CACHD1: variants seen among roughly 807,000 people sequenced by gnomAD.
CACHD1 encodes the protein VWFA and cache domain-containing protein 1.
Under a neutral mutation model 138.7 loss-of-function variants are expected in CACHD1, and 71 were observed. The ratio of observed to expected loss-of-function variants is 0.51; its 90% CI spans 0.42 to 0.62. CACHD1 has a LOEUF of 0.62. Among genes scored for constraint, CACHD1 ranks in the 20% least tolerant of loss-of-function variants. CACHD1 has a pLI of 0.00. For synonymous variants in CACHD1, 578 were observed against 591.5 expected (o/e 0.98, Z 0.33); for missense variants, 1,389 against 1,625.3 (o/e 0.85, Z 2.50).
chr1:64,547,113 T>G (rs1177357090), intron 1 of CACHD1, among the ~76,000 whole-genome samples: 1 of 152,186 alleles, frequency 6.6e-6, no homozygotes, highest in Non-Finnish European at 1.5e-5. Flanking sequence ...CCTTTGGAAG[T>G]GTAGTTTTTT....
rs1426684999 is a variant in CACHD1, at chr1:64,671,582, G to A, written c.2406G>A (p.Gly802=). Reference sequence around the variant, plus strand: ...CTTAAAGTACACAGCTGTCTTCTGGGCACACTGTGGCTGTGATGGGCATTG... The same window carrying A: ...CTTAAAGTACACAGCTGTCTTCTGGACACACTGTGGCTGTGATGGGCATTG... ...IHSSSTQLSS[G]HTVAVMGIDF... Residue 802 remains glycine (G), a synonymous_variant, in exon 17 of 27, where the codon GGG becomes GGA. Coordinates refer to ENST00000651257, the MANE Select transcript of CACHD1 (RefSeq NM_020925.4). 6 of 1,613,984 alleles carry A rather than the reference G, an allele frequency of 3.7e-6. No homozygotes were observed. The highest frequency in any genetic ancestry group is 5.1e-6 in the Non-Finnish European group (6 of 1,179,898).
At position 64,470,810 on chromosome 1, in the gene CACHD1, G is replaced by A; in HGVS notation, c.66G>A (p.Leu22=). 2 of 1,423,664 alleles carry A rather than the reference G, an allele frequency of 1.4e-6. No homozygotes were observed. The highest frequency in any genetic ancestry group is 1.9e-6 in the Non-Finnish European group (2 of 1,040,454). The allele number at this position is 1,423,664 out of a possible 1,614,324, so 88.2% of individuals were successfully genotyped here. A position where few individuals can be genotyped will look rare whatever the true frequency, so the allele number is the denominator to read the frequency against. Residue 22 remains leucine (L), a synonymous_variant, in exon 1 of 27, where the codon CTG becomes CTA. Coordinates refer to ENST00000651257, the MANE Select transcript of CACHD1 (RefSeq NM_020925.4). The surrounding 1 kb of genome is among the most constrained non-coding windows in gnomAD (Gnocchi z 5.2). ...GGGCGCGGCGGCCGCCCCTCTGGCT[G>A]CTCTGCCTGGTCGCGTGCTGGCTCC... The part of the protein sequence containing the change: ...VARARRPPLW[L]LCLVACWLLG...
chr1:64,587,526 G>A (rs1647059966), intron 3 of CACHD1, among the ~76,000 whole-genome samples: 1 of 152,116 alleles, frequency 6.6e-6, no homozygotes. Context: ...TTGCACAGGA[G>A]CCTTAGAAGT....
At chr1:64,535,990 G>A (rs370010373) in intron 1 of CACHD1, among the ~76,000 whole-genome samples, 1 of 152,144 alleles carries the variant, frequency 6.6e-6, no homozygotes, top group Non-Finnish European at 1.5e-5. Flanking sequence ...TATTCCTCAC[G>A]TAGGTAATAA....
chr1:64,591,264 G>T (rs1289578084), intron 3 of CACHD1, among the ~76,000 whole-genome samples: 1 of 152,166 alleles, frequency 6.6e-6, no homozygotes, highest in Non-Finnish European at 1.5e-5. Flanking sequence ...TTTCAGCTGG[G>T]TATTTAAGCA....
At chr1:64,577,882 A>G (rs918731754) in intron 2 of CACHD1, among the ~76,000 whole-genome samples, 1 of 152,134 alleles carries the variant, frequency 6.6e-6, no homozygotes, top group Non-Finnish European at 1.5e-5. Flanking sequence ...CTATTGATGA[A>G]GAATGCAGCT....
At chr1:64,625,163 A>G (rs1648051629) in intron 4 of CACHD1, among the ~76,000 whole-genome samples, 1 of 152,178 alleles carries the variant, frequency 6.6e-6, no homozygotes, top group African/African-American at 2.4e-5. Flanking sequence ...GCAGTGAGGG[A>G]TAGGGGATGA....
At chr1:64,661,736 C>T (rs183183593) in intron 13 of CACHD1, among the ~76,000 whole-genome samples, 1 of 152,126 alleles carries the variant, frequency 6.6e-6, no homozygotes, top group African/African-American at 2.4e-5. Context: ...GGCACCCTAA[C>T]CTTTTCCAGC....
intron 2 of CACHD1, among the ~76,000 whole-genome samples, chr1:64,575,104 A>G (rs975094618): frequency 1.1e-4 from 16 of 152,230 alleles, no homozygotes; most frequent in Non-Finnish European, 1.8e-4. Flanking sequence ...ACTGTCCACT[A>G]TGATAGTAAG....
chr1:64,662,388 T>A (rs7517300), intron 13 of CACHD1, among the ~76,000 whole-genome samples: 2 of 152,090 alleles, frequency 1.3e-5, no homozygotes, highest in Admixed American at 1.3e-4. Flanking sequence ...AATTGGGAAC[T>A]GTTTCCAACA....
At chr1:64,682,128 T>C in intron 26 of CACHD1, 22 bp downstream of exon 26, 1 of 1,606,056 alleles carries the variant, frequency 6.2e-7, no homozygotes, top group South Asian at 1.1e-5. Context: ...CTTCCTGCAT[T>C]TGAAGACCCA....
At chr1:64,649,871 G>C (rs1649032221) in intron 9 of CACHD1, among the ~76,000 whole-genome samples, 1 of 152,102 alleles carries the variant, frequency 6.6e-6, no homozygotes, top group African/African-American at 2.4e-5. Flanking sequence ...CAGATCTATT[G>C]AATTCCTCTA....
In CACHD1 at chr1:64,604,964, T is replaced by A. The variant is rs192802715; in HGVS notation, c.517+2052T>A. The stretch of plus-strand genomic sequence containing the variant: ...CCTCGCCTAGGCTTTTTTTCTTTTT[T>A]TTCTTTGTTTTTTTTTTTTAAAGAC... On this transcript the variant is annotated intron_variant, in intron 4 of 26. Coordinates refer to ENST00000651257, the MANE Select transcript of CACHD1 (RefSeq NM_020925.4). Among the ~76,000 whole-genome samples, 31 of 146,412 alleles carry A rather than the reference T, an allele frequency of 2.1e-4. No homozygotes were observed. In the East Asian group the frequency reaches 6.1e-3, roughly 29 times the overall value.
At chr1:64,526,687 A>G (rs1426245244) in intron 1 of CACHD1, among the ~76,000 whole-genome samples, 13 of 152,180 alleles carry the variant, frequency 8.5e-5, no homozygotes, top group Admixed American at 7.9e-4. Flanking sequence ...CTGCAGATTT[A>G]TTTATTTTTT....
At chr1:64,587,571 G>C (rs978271669) in intron 3 of CACHD1, among the ~76,000 whole-genome samples, 2 of 152,144 alleles carry the variant, frequency 1.3e-5, no homozygotes, top group African/African-American at 4.8e-5. Context: ...CTAGTGATTA[G>C]GTACTCTGTC....
rs1200292689 is a variant in CACHD1 at position 64,636,103 on chromosome 1, C to T, written c.1006+1843C>T. On this transcript the variant is annotated intron_variant, in intron 7 of 26. Transcript: ENST00000651257. Reference sequence around the variant, plus strand: ...TCCAGCCTGGTGACGGAGCGAGACTCAGTCTCAAAAAAAAAAAAAAATCTG... The same window carrying T: ...TCCAGCCTGGTGACGGAGCGAGACTTAGTCTCAAAAAAAAAAAAAAATCTG... Among the ~76,000 whole-genome samples the T allele has an allele frequency of 1.4e-4, 14 of 100,036 alleles. 2 individuals carry two copies. Among genetic ancestry groups the T allele is most frequent in the Admixed American group, 9.5e-4 (8 of 8,412 alleles). 65.6% of individuals were successfully genotyped at this position (100,036 alleles called of 152,430 possible). A position where few individuals can be genotyped will look rare whatever the true frequency, so the allele number is the denominator to read the frequency against.
intron 1 of CACHD1, among the ~76,000 whole-genome samples, chr1:64,544,381 T>C (rs534713107): frequency 6.6e-6 from 1 of 152,308 alleles, no homozygotes; most frequent in African/African-American, 2.4e-5. Context: ...TTGGGCCAAC[T>C]GTCTGGACTG....
At chr1:64,494,787 A>G (rs1291548370) in intron 1 of CACHD1, among the ~76,000 whole-genome samples, 1 of 152,192 alleles carries the variant, frequency 6.6e-6, no homozygotes, top group Non-Finnish European at 1.5e-5. Context: ...GCCAGGCATT[A>G]TGCTAAGGGT....
chr1:64,655,593 G>C (rs566260076), intron 12 of CACHD1, among the ~76,000 whole-genome samples: 62 of 152,254 alleles, frequency 4.1e-4, no homozygotes, highest in African/African-American at 1.5e-3. Context: ...CAGATGGATA[G>C]TTTGGCCATA....
Sources: gnomAD v4.1 joint callset for allele counts (sites outside exome capture counted in the v4.1 genomes callset) on GRCh38, gnomAD v4.1.1 for gene constraint, Gnocchi (gnomAD v3.1) non-coding constraint, MANE v1.5 for transcripts, NCBI Gene and HGNC (gene_info 2026-07-23, HGNC 2026-07-21) for gene names.